NAALADL2: variants seen among roughly 807,000 people sequenced by gnomAD.
NAALADL2 encodes inactive N-acetylated-alpha-linked acidic dipeptidase-like protein 2.
In NAALADL2, 76 loss-of-function variants were observed where a neutral mutation model predicts 87.2. The observed-to-expected ratio is 0.87, with a 90% CI of 0.72 to 1.05. The LOEUF (loss-of-function observed/expected upper bound fraction) is 1.05, where lower values mean the gene tolerates loss of function less well. Ranked by LOEUF, NAALADL2 falls within the 50% of genes least tolerant of loss-of-function variation. The pLI is 0.00. For synonymous variants in NAALADL2, 354 were observed against 331.0 expected (o/e 1.07, Z -0.75); for missense variants, 1,089 against 945.8 (o/e 1.15, Z -1.99).
At chr3:175,607,690 T>G (rs1376303775) in intron 10 of NAALADL2, among the ~76,000 whole-genome samples, 1 of 152,194 alleles carries the variant, frequency 6.6e-6, no homozygotes, top group Non-Finnish European at 1.5e-5. Context: ...CATGTGATTA[T>G]GCTTCTTGAT....
Position 175,467,006 on chromosome 3 carries a change from A to G in NAALADL2, c.1355A>G (p.His452Arg), listed in dbSNP as rs1724147661. Residue 452 changes from histidine to arginine, a missense_variant, in exon 8 of 14, where the codon CAT becomes CGT. Physicochemically the swap from His to Arg is conservative, Grantham distance 29. Transcript: ENST00000454872. ...CGGTATATCATAGTTGGCAGCCATC[A>G]TCACACTGCACACAGTTATAATGGA... ...PDRYIIVGSHHHTAHSYNGQE... is the reference protein window; with the variant it reads ...PDRYIIVGSHRHTAHSYNGQE... The G allele has an allele frequency of 6.2e-7, 1 of 1,613,656 alleles. No individual in the cohort carries two copies. Among genetic ancestry groups the G allele is most frequent in the Non-Finnish European group, 8.5e-7 (1 of 1,179,698 alleles).
intron 11 of NAALADL2, among the ~76,000 whole-genome samples, chr3:175,702,964 G>A (rs1739189553): frequency 6.6e-6 from 1 of 151,990 alleles, no homozygotes; most frequent in Non-Finnish European, 1.5e-5. Context: ...ACTAGATAAG[G>A]ATGAGAATTC....
intron 1 of NAALADL2, among the ~76,000 whole-genome samples, chr3:174,930,695 C>T (rs749469253): frequency 2.9e-5 from 4 of 140,112 alleles, no homozygotes; most frequent in Non-Finnish European, 4.5e-5. Context: ...GATCTCGGCT[C>T]ACTGCAAGCT....
chr3:175,151,714 C>T (rs541320625), intron 2 of NAALADL2, among the ~76,000 whole-genome samples: 7 of 152,008 alleles, frequency 4.6e-5, no homozygotes, highest in South Asian at 4.2e-4. Flanking sequence ...ACATACTACT[C>T]GACTTTATGG....
intron 2 of NAALADL2, among the ~76,000 whole-genome samples, chr3:174,588,486 G>C (rs1243634389): frequency 6.6e-6 from 1 of 152,126 alleles, no homozygotes; most frequent in Non-Finnish European, 1.5e-5. Flanking sequence ...TTCTGCTCTG[G>C]TTTTTCCCCA....
At chr3:175,344,354 A>G (rs1392522819) in intron 5 of NAALADL2, among the ~76,000 whole-genome samples, 1 of 151,784 alleles carries the variant, frequency 6.6e-6, no homozygotes, top group African/African-American at 2.4e-5. Flanking sequence ...TTTACACAAT[A>G]TGGTAGAAGT....
chr3:174,882,553 A>G (rs1729380561), intron 1 of NAALADL2, among the ~76,000 whole-genome samples: 1 of 150,478 alleles, frequency 6.6e-6, no homozygotes, highest in South Asian at 2.1e-4. Context: ...ACATATGTAC[A>G]TATGTGTATA....
chr3:175,294,147 A>G (rs1756008659), intron 4 of NAALADL2, among the ~76,000 whole-genome samples: 1 of 152,202 alleles, frequency 6.6e-6, no homozygotes, highest in Non-Finnish European at 1.5e-5. Flanking sequence ...GAAAGCCTAG[A>G]ATATAGCCAG....
chr3:174,993,378 G>C (rs1747002756), intron 1 of NAALADL2, among the ~76,000 whole-genome samples: 1 of 151,976 alleles, frequency 6.6e-6, no homozygotes, highest in African/African-American at 2.4e-5. Context: ...GGAACACAGG[G>C]GTGAGCAAAA....
chr3:175,223,003 G>A (rs1743604648), intron 2 of NAALADL2, among the ~76,000 whole-genome samples: 1 of 151,704 alleles, frequency 6.6e-6, no homozygotes, highest in Admixed American at 6.6e-5. Flanking sequence ...CATGTATTTA[G>A]GGTACGCAAC....
At chr3:174,496,510 TTA>T (rs5854577) in intron 1 of NAALADL2, among the ~76,000 whole-genome samples, 623 of 145,706 alleles carry the variant, frequency 4.3e-3, no homozygotes, top group African/African-American at 0.01. Context: ...TATTTATATA[TTA>T]TATATATATA....
At chr3:175,464,874 T>C (rs1468431915) in intron 7 of NAALADL2, among the ~76,000 whole-genome samples, 1 of 152,200 alleles carries the variant, frequency 6.6e-6, no homozygotes. Flanking sequence ...CATCATAAGG[T>C]TCTCAATTGA....
At chr3:174,741,161 T>C (rs1733723080) in intron 3 of NAALADL2, among the ~76,000 whole-genome samples, 1 of 151,708 alleles carries the variant, frequency 6.6e-6, no homozygotes, top group African/African-American at 2.4e-5. Flanking sequence ...TTCTAAGTCT[T>C]ATCCAAATAC....
At chr3:175,521,191 A>G (rs573517057) in intron 9 of NAALADL2, among the ~76,000 whole-genome samples, 2 of 151,742 alleles carry the variant, frequency 1.3e-5, no homozygotes, top group African/African-American at 4.8e-5. Flanking sequence ...GGGAGTATAC[A>G]TTTTTCCCTT....
intron 11 of NAALADL2, among the ~76,000 whole-genome samples, chr3:175,666,168 T>C (rs996152358): frequency 5.3e-5 from 8 of 152,104 alleles, no homozygotes; most frequent in African/African-American, 1.7e-4. Flanking sequence ...TACTTCTGTG[T>C]TGCAGAATGT....
At chr3:174,826,062 A>G (rs1292256216) in intron 3 of NAALADL2, among the ~76,000 whole-genome samples, 2 of 151,746 alleles carry the variant, frequency 1.3e-5, no homozygotes, top group East Asian at 1.9e-4. Context: ...CGACAACAAC[A>G]ACAACAACAA....
chr3:175,636,904 T>A (rs1208802390), intron 11 of NAALADL2, among the ~76,000 whole-genome samples: 1 of 152,186 alleles, frequency 6.6e-6, no homozygotes, highest in Admixed American at 6.5e-5. Context: ...ATTTAAGGGT[T>A]AATATTCTTG....
At chr3:175,317,500 A>T (rs1759306147) in intron 4 of NAALADL2, among the ~76,000 whole-genome samples, 1 of 151,954 alleles carries the variant, frequency 6.6e-6, no homozygotes, top group African/African-American at 2.4e-5. Context: ...AGCTCTCAAG[A>T]TAGAAATATT....
intron 3 of NAALADL2, among the ~76,000 whole-genome samples, chr3:174,848,034 T>G (rs1300166353): frequency 6.6e-6 from 1 of 151,940 alleles, no homozygotes; most frequent in African/African-American, 2.4e-5. Context: ...TCTTTGCTCC[T>G]TTTTATTTTC....
Sources: gnomAD v4.1 joint callset for allele counts (sites outside exome capture counted in the v4.1 genomes callset) on GRCh38, gnomAD v4.1.1 for gene constraint, MANE v1.5 for transcripts, NCBI Gene and HGNC (gene_info 2026-07-23, HGNC 2026-07-21) for gene names.